The following FER variants were observed in gnomAD, a reference collection of about 807,000 sequenced individuals.
FER encodes FER tyrosine kinase, also known as tyrosine-protein kinase Fer.
In FER, 63 loss-of-function variants were observed where a neutral mutation model predicts 111.0. The observed-to-expected ratio is 0.57, with a 90% CI of 0.46 to 0.70. The LOEUF (loss-of-function observed/expected upper bound fraction) is 0.70, where lower values mean the gene tolerates loss of function less well. FER is among the 30% of genes least tolerant of loss of function. FER has a pLI of 0.00. For missense variants in FER, 914 were observed against 954.0 expected (o/e 0.96, Z 0.55); for synonymous variants, 327 against 313.9 (o/e 1.04, Z -0.44).
At chr5:108,868,471 T>G (rs1764291295) in intron 6 of FER, among the ~76,000 whole-genome samples, 1 of 152,126 alleles carries the variant, frequency 6.6e-6, no homozygotes, top group Admixed American at 6.6e-5. Flanking sequence ...TATACTTTAA[T>G]TAGTGAGTCA....
chr5:109,083,267 T>C (rs924214571), intron 16 of FER, among the ~76,000 whole-genome samples: 2 of 152,104 alleles, frequency 1.3e-5, no homozygotes, highest in South Asian at 2.1e-4. Flanking sequence ...ATTTTACTTA[T>C]ATTTTTCATT....
intron 18 of FER, 95 bp downstream of exon 18, chr5:109,180,996 C>A: frequency 9.9e-7 from 1 of 1,006,372 alleles, no homozygotes; most frequent in Non-Finnish European, 1.4e-6. Context: ...GCACAGAATG[C>A]AAGTTAGAAT....
intron 17 of FER, among the ~76,000 whole-genome samples, chr5:109,143,437 T>C (rs1257713090): frequency 6.6e-6 from 1 of 152,026 alleles, no homozygotes; most frequent in Non-Finnish European, 1.5e-5. Context: ...CCAGTGTAAG[T>C]TTTTGTTTCA....
At chr5:108,858,881 A>G (rs1216537807) in intron 5 of FER, among the ~76,000 whole-genome samples, 1 of 151,182 alleles carries the variant, frequency 6.6e-6, no homozygotes, top group Non-Finnish European at 1.5e-5. Flanking sequence ...ACATATGGAC[A>G]TATAGCTTAT....
intron 10 of FER, among the ~76,000 whole-genome samples, chr5:108,913,510 A>G (rs1751845427): frequency 6.6e-6 from 1 of 152,208 alleles, no homozygotes; most frequent in Non-Finnish European, 1.5e-5. Context: ...GAAATTTGGC[A>G]TACTGTGTTA....
At chr5:108,952,453 G>C (rs1332585278) in intron 11 of FER, among the ~76,000 whole-genome samples, 1 of 150,816 alleles carries the variant, frequency 6.6e-6, no homozygotes, top group Non-Finnish European at 1.5e-5. Flanking sequence ...GGGGATATGT[G>C]TGACTTTTCC....
At chr5:109,096,117 G>A (rs78158867) in intron 16 of FER, among the ~76,000 whole-genome samples, 6 of 151,762 alleles carry the variant, frequency 4.0e-5, no homozygotes, top group Non-Finnish European at 7.4e-5. Context: ...TAGTGTGATC[G>A]GTTCCTCTGA....
intron 16 of FER, among the ~76,000 whole-genome samples, chr5:109,058,405 A>G (rs992738241): frequency 1.3e-5 from 2 of 152,110 alleles, no homozygotes; most frequent in Admixed American, 6.5e-5. Context: ...TTGTTTGAAT[A>G]TGTTTTCTTT....
chr5:108,770,447 A>C (rs1342066351), intron 2 of FER, among the ~76,000 whole-genome samples: 1 of 152,056 alleles, frequency 6.6e-6, no homozygotes, highest in African/African-American at 2.4e-5. Flanking sequence ...CTAATATGTA[A>C]TTTTATTGTT....
chr5:109,118,694 G>T (rs1230827557), intron 17 of FER, among the ~76,000 whole-genome samples: 1 of 151,982 alleles, frequency 6.6e-6, no homozygotes, highest in African/African-American at 2.4e-5. Context: ...GCCTGTTATT[G>T]GTCTATTCAG....
intron 17 of FER, among the ~76,000 whole-genome samples, chr5:109,143,357 G>T (rs10059461): frequency 0.28 from 43,043 of 151,964 alleles, 6,232 homozygotes; most frequent in Non-Finnish European, 0.3. Context: ...TGTCTAATCA[G>T]CCTCTGAGTA....
chr5:109,021,067 G>A (rs1055584801), intron 13 of FER, among the ~76,000 whole-genome samples: 1 of 151,832 alleles, frequency 6.6e-6, no homozygotes, highest in Non-Finnish European at 1.5e-5. Flanking sequence ...AATAATTTTA[G>A]TGTAGCTACT....
intron 5 of FER, among the ~76,000 whole-genome samples, chr5:108,842,048 A>AT (rs1297865152): frequency 6.6e-6 from 1 of 152,130 alleles, no homozygotes; most frequent in Non-Finnish European, 1.5e-5. Context: ...TGAAATTGTG[A>AT]TTTTTTTGAT....
chr5:109,183,813 TATC>T (rs1209241760), intron 18 of FER, among the ~76,000 whole-genome samples: 2 of 152,180 alleles, frequency 1.3e-5, no homozygotes. Context: ...GTCACTGCGT[TATC>T]ATAAGTGTTG....
At chr5:108,803,342 C>T (rs965630917) in intron 3 of FER, among the ~76,000 whole-genome samples, 2 of 152,206 alleles carry the variant, frequency 1.3e-5, no homozygotes, top group African/African-American at 4.8e-5. Flanking sequence ...TTGATTAAGT[C>T]CCACTTGTCA....
At chr5:109,173,840 G>A (rs1757410352) in intron 17 of FER, among the ~76,000 whole-genome samples, 1 of 151,416 alleles carries the variant, frequency 6.6e-6, no homozygotes, top group African/African-American at 2.4e-5. Context: ...GTCCTGACAG[G>A]TAGCAGGAGA....
intron 2 of FER, 140 bp downstream of exon 2, chr5:108,768,378 T>C (rs1431080241): frequency 6.6e-6 from 1 of 152,186 alleles, no homozygotes; most frequent in Non-Finnish European, 1.5e-5. Context: ...CTGTTTTATA[T>C]TTGTGTTTAT....
rs531705867 is a variant in FER at position 109,013,067 on chromosome 5, T to C, written c.1657-24355T>C. 1.5e-3 allele frequency among the ~76,000 whole-genome samples: 227 copies of C among 151,632 alleles called. 2 individuals are homozygous for C. The highest frequency in any genetic ancestry group is 5.1e-3 in the African/African-American group (210 of 41,464). On this transcript the variant is annotated intron_variant, in intron 13 of 19. Transcript: ENST00000281092. ...TTATCATTGCTTTTGCTTTTTTTTT[T>C]TTAATTTAATTTAATTTTATTATTA...
intron 13 of FER, among the ~76,000 whole-genome samples, chr5:108,961,175 A>G (rs775923802): frequency 6.6e-6 from 1 of 152,240 alleles, no homozygotes; most frequent in Non-Finnish European, 1.5e-5. Context: ...AATTCAGTGC[A>G]GGAAGATATT....
Sources: allele counts gnomAD v4.1 joint callset (sites outside exome capture counted in the v4.1 genomes callset), GRCh38; gene constraint gnomAD v4.1.1; transcripts MANE v1.5; gene names NCBI Gene and HGNC (gene_info 2026-07-23, HGNC 2026-07-21).